Variants in PDE1C observed in about 807,000 individuals in gnomAD.
PDE1C encodes the protein dual specificity calcium/calmodulin-dependent 3',5'-cyclic nucleotide phosphodiesterase 1C.
PDE1C carries 62 observed loss-of-function variants against 93.1 expected under a neutral mutation model. The ratio of observed to expected loss-of-function variants is 0.67; its 90% CI spans 0.54 to 0.82. PDE1C has a LOEUF of 0.82. Ranked by LOEUF, PDE1C falls within the 40% of genes least tolerant of loss-of-function variation. The pLI, the probability that PDE1C is intolerant of heterozygous loss-of-function variation, is 0.00. For synonymous variants in PDE1C, 325 were observed against 310.1 expected (o/e 1.05, Z -0.50); for missense variants, 742 against 884.6 (o/e 0.84, Z 2.04).
the PDE1C span, among the ~76,000 whole-genome samples, chr7:31,738,241 G>A: frequency 3.9e-5 from 6 of 152,268 alleles, no homozygotes; most frequent in African/African-American, 1.2e-4. Flanking sequence ...CTGTTCTCAC[G>A]CTGCTAATAA....
chr7:32,127,148 G>T (rs192749190), intron 3 of PDE1C, among the ~76,000 whole-genome samples: 1 of 152,258 alleles, frequency 6.6e-6, no homozygotes, highest in African/African-American at 2.4e-5. Flanking sequence ...TGAAACATCA[G>T]CTCTTTCTGG....
chr7:32,301,766 A>C (rs1016055188), upstream of PDE1C, among the ~76,000 whole-genome samples: 9 of 152,238 alleles, frequency 5.9e-5, no homozygotes, highest in African/African-American at 2.2e-4. Context: ...CCTGGGAAGT[A>C]AGAAAACTAA....
intron 1 of PDE1C, among the ~76,000 whole-genome samples, chr7:32,372,821 A>T (rs778824660): frequency 6.6e-6 from 1 of 152,266 alleles, no homozygotes. Flanking sequence ...ACATTTCTTC[A>T]AAGAATAAAT....
chr7:32,336,043 G>T (rs215655), intron 1 of PDE1C, among the ~76,000 whole-genome samples: 12 of 152,124 alleles, frequency 7.9e-5, no homozygotes, highest in African/African-American at 1.4e-4. Context: ...TGAGATACTG[G>T]GAGTTAGGAC....
intron 2 of PDE1C, among the ~76,000 whole-genome samples, chr7:32,001,430 GTAT>G (rs1295734549): frequency 1.3e-5 from 2 of 152,136 alleles, no homozygotes; most frequent in Non-Finnish European, 2.9e-5. Flanking sequence ...GTTATTATTT[GTAT>G]TATTATCATG....
At chr7:31,940,908 G>A (rs1443686662) in intron 2 of PDE1C, among the ~76,000 whole-genome samples, 1 of 151,780 alleles carries the variant, frequency 6.6e-6, no homozygotes, top group Non-Finnish European at 1.5e-5. Context: ...CCTTTGCTCT[G>A]CCCACCTCAG....
intron 2 of PDE1C, among the ~76,000 whole-genome samples, chr7:31,894,232 C>T (rs2128906066): frequency 6.6e-6 from 1 of 152,298 alleles, no homozygotes; most frequent in East Asian, 1.9e-4. Context: ...CGCTATCGAT[C>T]GAGTGTTTCT....
At chr7:32,329,630 A>G (rs1191531765) in intron 1 of PDE1C, among the ~76,000 whole-genome samples, 1 of 152,228 alleles carries the variant, frequency 6.6e-6, no homozygotes, top group Non-Finnish European at 1.5e-5. Flanking sequence ...ACAAGTTATC[A>G]CTTAAATTTT....
At chr7:31,848,861 T>C (rs771059767) in intron 8 of PDE1C, among the ~76,000 whole-genome samples, 2 of 152,198 alleles carry the variant, frequency 1.3e-5, no homozygotes, top group Non-Finnish European at 2.9e-5. Context: ...TTCCCCAAGA[T>C]AACTTCCACC....
chr7:31,621,978 T>C, the PDE1C span, among the ~76,000 whole-genome samples: 1 of 145,222 alleles, frequency 6.9e-6, no homozygotes, highest in African/African-American at 2.6e-5. Context: ...AAACAGACTT[T>C]AAACCAACAA....
chr7:31,918,916 T>A (rs1259049013), intron 2 of PDE1C, among the ~76,000 whole-genome samples: 8 of 152,326 alleles, frequency 5.3e-5, no homozygotes, highest in Non-Finnish European at 1.5e-5. Context: ...AGTTCCCTGG[T>A]GGGACAGACT....
intron 1 of PDE1C, among the ~76,000 whole-genome samples, chr7:32,389,202 T>TTG (rs1554316211): frequency 2.9e-5 from 4 of 136,260 alleles, no homozygotes; most frequent in East Asian, 4.5e-4. Flanking sequence ...TTTTTTTGGT[T>TTG]TTTGTTTGTT....
intron 3 of PDE1C, among the ~76,000 whole-genome samples, chr7:32,095,249 G>C (rs1357093249): frequency 6.6e-6 from 1 of 152,228 alleles, no homozygotes; most frequent in Non-Finnish European, 1.5e-5. Flanking sequence ...TCTTGGGAAA[G>C]CAACCAGACA....
the PDE1C span, among the ~76,000 whole-genome samples, chr7:31,744,315 T>C: frequency 6.6e-6 from 1 of 152,032 alleles, no homozygotes; most frequent in Non-Finnish European, 1.5e-5. Flanking sequence ...AAGAAGCTAA[T>C]CCCTGTGTTT....
intron 3 of PDE1C, among the ~76,000 whole-genome samples, chr7:32,103,595 G>A (rs562177685): frequency 6.6e-6 from 1 of 152,300 alleles, no homozygotes; most frequent in African/African-American, 2.4e-5. Context: ...CTGCCCTACA[G>A]GAAACAGGAA....
chr7:31,858,274 G>T lies in PDE1C; in HGVS notation c.750+6668C>A, dbSNP rs144009654. Reference sequence around the variant, plus strand: ...CTGTGTGAGTCATTTTGGCCAGTGAGTTGTGAGCAGAAGTGATGAGCAGAG... The same window carrying T: ...CTGTGTGAGTCATTTTGGCCAGTGATTTGTGAGCAGAAGTGATGAGCAGAG... On this transcript the variant is annotated intron_variant, in intron 7 of 17. Coordinates refer to ENST00000396191, the MANE Select transcript of PDE1C (RefSeq NM_001191057.4). 4.8e-3 allele frequency among the ~76,000 whole-genome samples: 735 copies of T among 152,254 alleles called. 10 individuals are homozygous for T. The highest frequency in any genetic ancestry group is 0.017 in the African/African-American group (689 of 41,548).
chr7:31,671,081 T>C, the PDE1C span, among the ~76,000 whole-genome samples: 1 of 152,056 alleles, frequency 6.6e-6, no homozygotes, highest in Non-Finnish European at 1.5e-5. Context: ...ACATTTGCCA[T>C]CTCCAATTTG....
At chr7:31,950,975 C>T (rs1807289977) in intron 2 of PDE1C, among the ~76,000 whole-genome samples, 1 of 152,070 alleles carries the variant, frequency 6.6e-6, no homozygotes, top group South Asian at 2.1e-4. Flanking sequence ...GCGGAAAGTC[C>T]AACATCAAGG....
chr7:32,243,304 A>C (rs1210524541), intron 1 of PDE1C, among the ~76,000 whole-genome samples: 5 of 152,186 alleles, frequency 3.3e-5, no homozygotes, highest in African/African-American at 1.2e-4. Context: ...GCTGGTGCTC[A>C]TACTGTTTAC....
Sources: allele counts gnomAD v4.1 joint callset (sites outside exome capture counted in the v4.1 genomes callset), GRCh38; gene constraint gnomAD v4.1.1; transcripts MANE v1.5; gene names NCBI Gene and HGNC (gene_info 2026-07-23, HGNC 2026-07-21).